Variants in ABL1 observed in about 807,000 individuals in gnomAD.
ABL1 encodes ABL proto-oncogene 1, non-receptor tyrosine kinase, also known as tyrosine-protein kinase ABL1.
ABL1 carries 11 observed loss-of-function variants against 94.7 expected under a neutral mutation model. The ratio of observed to expected loss-of-function variants is 0.12; its 90% CI spans 0.07 to 0.19. The LOEUF (loss-of-function observed/expected upper bound fraction) is 0.19. Among genes scored for constraint, ABL1 ranks in the 10% least tolerant of loss-of-function variants. ABL1 has a pLI of 1.00. For synonymous variants in ABL1, 656 were observed against 622.4 expected (o/e 1.05, Z -0.80); for missense variants, 1,082 against 1,489.4 (o/e 0.73, Z 4.50).
In ABL1 at chr9:130,886,798, A is replaced by G. The variant is rs986175115; in HGVS notation, c.*1115A>G. On this transcript the variant is annotated 3_prime_UTR_variant, in exon 11 of 11. Transcript: ENST00000318560. The stretch of plus-strand genomic sequence containing the variant: ...CTCTGTGTAGCCGCCCTGAGAGAGA[A>G]TAGAGCTGCCACTGGGCACCTGCGC... The G allele has an allele frequency of 2.4e-4, 56 of 233,140 alleles. 1 individual carries two copies. The highest frequency in any genetic ancestry group is 1.1e-3 in the African/African-American group (50 of 45,310). The allele number at this position is 233,140 out of a possible 1,614,324, so 14.4% of individuals were successfully genotyped here.
intron 1 of ABL1, among the ~76,000 whole-genome samples, chr9:130,785,975 C>T (rs1400244457): frequency 6.8e-6 from 1 of 146,528 alleles, no homozygotes; most frequent in Non-Finnish European, 1.5e-5. Context: ...GGACTTCAGT[C>T]TGTGGAGGTT....
At chr9:130,774,087 C>G (rs112527110) in intron 1 of ABL1, among the ~76,000 whole-genome samples, 2,777 of 152,180 alleles carry the variant, frequency 0.018, 76 homozygotes, top group African/African-American at 0.063. Flanking sequence ...GAGATTCATC[C>G]ATGTTTTTGG....
chr9:130,807,588 T>G (rs946319842), intron 1 of ABL1, among the ~76,000 whole-genome samples: 1 of 151,232 alleles, frequency 6.6e-6, no homozygotes, highest in Non-Finnish European at 1.5e-5. Flanking sequence ...CACATTTAAA[T>G]TGACATCTAA....
chr9:130,724,765 A>AAG, intron 1 of ABL1: 1 of 468,184 alleles, frequency 2.1e-6, no homozygotes, highest in Admixed American at 2.3e-5. Context: ...AAAAAAAAAA[A>AAG]AAAAAGCAAA....
In ABL1 at chr9:130,800,941, T is replaced by C. The variant is rs201153418; in HGVS notation, c.137-53123T>C. On this transcript the variant is annotated intron_variant, in intron 1 of 10. Transcript: ENST00000372348. ...CCTTTTTCTTTCCTTTTTTTTTTTT[T>C]CTTTTTTTTGAGACAGTCTCTCTGT... Among the ~76,000 whole-genome samples, 16 of 131,566 alleles carry C rather than the reference T, an allele frequency of 1.2e-4. 1 individual carries two copies. Among genetic ancestry groups the C allele is most frequent in the South Asian group, 4.9e-4 (2 of 4,062 alleles). 86.3% of individuals were successfully genotyped at this position (131,566 alleles called of 152,430 possible).
Position 130,880,371 on chromosome 9 carries a change from C to A in ABL1, c.1514-129C>A. The A allele has an allele frequency of 8.4e-7, 1 of 1,188,096 alleles. No homozygotes were observed. Among genetic ancestry groups the A allele is most frequent in the Non-Finnish European group, 1.2e-6 (1 of 839,614 alleles). The allele number at this position is 1,188,096 out of a possible 1,614,324, so 73.6% of individuals were successfully genotyped here. A position where few individuals can be genotyped will look rare whatever the true frequency, so the allele number is the denominator to read the frequency against. On this transcript the variant is annotated intron_variant, in intron 9 of 10. Coordinates refer to ENST00000318560, the MANE Select transcript of ABL1 (RefSeq NM_005157.6). The surrounding 1 kb of genome is among the most constrained non-coding windows in gnomAD (Gnocchi z 4.4). ...TGCTAAGGGCTGTTTCTCCGGTATC[C>A]ACGTGCCTTTTCTTTAGTTGTATGC...
chr9:130,767,729 C>T (rs1299121962), intron 1 of ABL1, among the ~76,000 whole-genome samples: 6 of 152,232 alleles, frequency 3.9e-5, no homozygotes, highest in African/African-American at 1.4e-4. Context: ...CACAGGCCAG[C>T]TCTCTGAAGT....
intron 1 of ABL1, among the ~76,000 whole-genome samples, chr9:130,752,272 A>T (rs1313677835): frequency 2.0e-5 from 3 of 152,184 alleles, no homozygotes; most frequent in Non-Finnish European, 4.4e-5. Flanking sequence ...GATCTTGGGC[A>T]TGTTATTTCA....
chr9:130,876,417 T>C (rs1228597725), intron 7 of ABL1, among the ~76,000 whole-genome samples: 1 of 151,662 alleles, frequency 6.6e-6, no homozygotes, highest in Non-Finnish European at 1.5e-5. Context: ...TTTTCTTTTT[T>C]TTTTTTGGAG....
At chr9:130,787,705 T>G (rs961319481) in intron 1 of ABL1, among the ~76,000 whole-genome samples, 3 of 151,920 alleles carry the variant, frequency 2.0e-5, no homozygotes, top group African/African-American at 7.3e-5. Flanking sequence ...TGGAAAAGGG[T>G]TTGCAAGTGA....
chr9:130,833,561 A>T (rs1162135302), upstream of ABL1, among the ~76,000 whole-genome samples: 3 of 152,164 alleles, frequency 2.0e-5, no homozygotes, highest in East Asian at 5.8e-4. Flanking sequence ...TCTCCAGATG[A>T]TGGGAGCTGC....
intron 1 of ABL1, among the ~76,000 whole-genome samples, chr9:130,781,003 T>C (rs920875184): frequency 6.6e-6 from 1 of 152,196 alleles, no homozygotes; most frequent in Non-Finnish European, 1.5e-5. Flanking sequence ...AAGCCAGCCT[T>C]TGCTGGATAT....
chr9:130,759,474 C>T (rs1000560484), intron 1 of ABL1, among the ~76,000 whole-genome samples: 3 of 152,068 alleles, frequency 2.0e-5, no homozygotes, highest in Admixed American at 6.6e-5. Context: ...GAAAATTGCT[C>T]GAATTTGCTT....
chr9:130,750,179 GA>G (rs528529849), intron 1 of ABL1, among the ~76,000 whole-genome samples: 8 of 70,872 alleles, frequency 1.1e-4, no homozygotes, highest in South Asian at 4.2e-4. Flanking sequence ...CCTGACTCAA[GA>G]AAAAAAAAAT....
intron 1 of ABL1, among the ~76,000 whole-genome samples, chr9:130,772,717 AG>A (rs1242264110): frequency 6.6e-6 from 1 of 152,216 alleles, no homozygotes; most frequent in Non-Finnish European, 1.5e-5. Context: ...GTCCTGAGCA[AG>A]GGCATGGGAA....
chr9:130,873,381 A>G (rs944035677), intron 6 of ABL1, among the ~76,000 whole-genome samples: 1 of 152,226 alleles, frequency 6.6e-6, no homozygotes, highest in African/African-American at 2.4e-5. Flanking sequence ...CCTCTGAAAG[A>G]GAGTACTCAT....
At chr9:130,714,982 A>C (rs763647526) in intron 1 of ABL1, among the ~76,000 whole-genome samples, 1 of 152,196 alleles carries the variant, frequency 6.6e-6, no homozygotes, top group Non-Finnish European at 1.5e-5. Flanking sequence ...CTTTGGAGCC[A>C]TGTGGGAAAA....
intron 1 of ABL1, among the ~76,000 whole-genome samples, chr9:130,760,939 C>G (rs1315611565): frequency 6.9e-6 from 1 of 145,372 alleles, no homozygotes; most frequent in East Asian, 2.1e-4. Flanking sequence ...CTCCCCCGCC[C>G]CTGCTTTTTT....
rs1158507202 is a variant in ABL1 at position 130,885,552 on chromosome 9, A to G, written c.3262A>G (p.Asn1088Asp). Residue 1088 changes from asparagine (N) to aspartate (D), a missense_variant, in exon 11 of 11, where the codon AAC becomes GAC. By Grantham distance (23) the Asn-to-Asp change is conservative. Coordinates refer to ENST00000318560, the MANE Select transcript of ABL1 (RefSeq NM_005157.6). ...CAAGTTTGCCTTCCGAGAGGCCATC[A>G]ACAAACTGGAGAATAATCTCCGGGA... ...RNKFAFREAI[N>D]KLENNLRELQ... The G allele has an allele frequency of 1.9e-6, 3 of 1,614,012 alleles. No homozygotes were observed. Among genetic ancestry groups the G allele is most frequent in the Non-Finnish European group, 2.5e-6 (3 of 1,180,044 alleles).
Sources: allele counts gnomAD v4.1 joint callset (sites outside exome capture counted in the v4.1 genomes callset), GRCh38; gene constraint gnomAD v4.1.1; non-coding constraint Gnocchi (gnomAD v3.1); transcripts MANE v1.5; gene names NCBI Gene and HGNC (gene_info 2026-07-23, HGNC 2026-07-21).